Variants in GRAMD1B observed in about 807,000 individuals in gnomAD.
The protein encoded by GRAMD1B is GRAM domain containing 1B, also known as protein Aster-B.
A neutral mutation model predicts 99.7 loss-of-function variants in GRAMD1B; 37 were observed. That is an observed-to-expected ratio of 0.37 (90% CI 0.29 to 0.49). The LOEUF is 0.49. Among genes scored for constraint, GRAMD1B ranks in the 20% least tolerant of loss-of-function variants. The pLI is 0.98. For synonymous variants in GRAMD1B, 427 were observed against 387.6 expected, an observed-to-expected ratio of 1.10 and a Z score of -1.19; for missense variants, 888 against 1,009.2, an observed-to-expected ratio of 0.88 and a Z score of 1.63.
At chr11:123,552,836 G>C (rs1945761588) in intron 2 of GRAMD1B, among the ~76,000 whole-genome samples, 1 of 152,118 alleles carries the variant, frequency 6.6e-6, no homozygotes, top group Non-Finnish European at 1.5e-5. Context: ...CCTACAGCAA[G>C]GCCTGGCAAT....
chr11:123,613,087 T>C (rs909016036), intron 15 of GRAMD1B: 8 of 571,834 alleles, frequency 1.4e-5, no homozygotes, highest in Admixed American at 1.3e-4. Context: ...AAGAGATCAT[T>C]GAGGGATCTA....
intron 8 of GRAMD1B, among the ~76,000 whole-genome samples, chr11:123,603,219 G>A: frequency 6.6e-6 from 1 of 152,204 alleles, no homozygotes; most frequent in East Asian, 1.9e-4. Context: ...CCAGTTCCTG[G>A]CTTTGTTAAA....
chr11:123,528,691 T>G (rs201822579), intron 2 of GRAMD1B, among the ~76,000 whole-genome samples: 1 of 148,724 alleles, frequency 6.7e-6, no homozygotes, highest in South Asian at 2.2e-4. Flanking sequence ...AGACACCGGC[T>G]TTTTTTTTTA....
intron 1 of GRAMD1B, among the ~76,000 whole-genome samples, chr11:123,417,659 G>A (rs1034526311): frequency 1.4e-4 from 21 of 152,142 alleles, no homozygotes; most frequent in African/African-American, 4.8e-4. Flanking sequence ...CAAACAGGCT[G>A]GGCGCAATGG....
At chr11:123,605,112 G>T (rs2136829295) in intron 9 of GRAMD1B, among the ~76,000 whole-genome samples, 1 of 152,228 alleles carries the variant, frequency 6.6e-6, no homozygotes, top group South Asian at 2.1e-4. Flanking sequence ...TTTTACATGG[G>T]GGGCAGGGAG....
intron 3 of GRAMD1B, among the ~76,000 whole-genome samples, chr11:123,583,406 GTGTC>G (rs1044348638): frequency 6.6e-6 from 1 of 152,128 alleles, no homozygotes; most frequent in Non-Finnish European, 1.5e-5. Flanking sequence ...GTGTGTGTGT[GTGTC>G]TGTGTATATG....
chr11:123,571,907 T>C (rs376331782), intron 2 of GRAMD1B, among the ~76,000 whole-genome samples: 21 of 152,308 alleles, frequency 1.4e-4, no homozygotes, highest in African/African-American at 4.8e-4. Flanking sequence ...CTAGCTCAAG[T>C]GCCACATCCT....
At chr11:123,554,765 G>A (rs999115051) in intron 2 of GRAMD1B, among the ~76,000 whole-genome samples, 3 of 152,136 alleles carry the variant, frequency 2.0e-5, no homozygotes, top group Admixed American at 6.5e-5. Context: ...GGTCTCTGAA[G>A]AATGGAGGTA....
intron 11 of GRAMD1B, chr11:123,608,197 T>C (rs1953006939): frequency 5.4e-6 from 2 of 371,764 alleles, no homozygotes; most frequent in African/African-American, 2.0e-5. Context: ...TTCTGTACAC[T>C]GATTCTTCCA....
chr11:123,362,529 A>T (rs867365787), intron 1 of GRAMD1B, among the ~76,000 whole-genome samples: 2 of 152,154 alleles, frequency 1.3e-5, no homozygotes, highest in Non-Finnish European at 2.9e-5. Flanking sequence ...TTATTTTTTT[A>T]AAAAAGCTTC....
chr11:123,436,912 C>A (rs1232568902), intron 1 of GRAMD1B, among the ~76,000 whole-genome samples: 1 of 152,154 alleles, frequency 6.6e-6, no homozygotes, highest in Admixed American at 6.5e-5. Flanking sequence ...GCTCACCCTA[C>A]CCCACAACAG....
chr11:123,505,788 A>G (rs995579971), intron 2 of GRAMD1B, among the ~76,000 whole-genome samples: 2 of 152,098 alleles, frequency 1.3e-5, no homozygotes, highest in Non-Finnish European at 2.9e-5. Context: ...ACACATCCTT[A>G]TGGGAACACA....
In GRAMD1B at chr11:123,462,285, A is replaced by G. The variant is rs539405273; in HGVS notation, c.375-18531A>G. Among the ~76,000 whole-genome samples the G allele has an allele frequency of 5.3e-5, 8 of 152,232 alleles. No individual in the cohort carries two copies. The South Asian group carries it at 6.2e-4, about 12-fold the overall frequency. Reference sequence around the variant, plus strand: ...CCGGGCCAGTCATTTGTTTATTTCTATGGTTTCACCTGTGGCTTTGTGACC... The same window carrying G: ...CCGGGCCAGTCATTTGTTTATTTCTGTGGTTTCACCTGTGGCTTTGTGACC... On this transcript the variant is annotated intron_variant, in intron 1 of 19. Transcript: ENST00000635736.
intron 2 of GRAMD1B, chr11:123,526,108 G>A (rs764663993): frequency 1.6e-5 from 25 of 1,596,976 alleles, no homozygotes; most frequent in South Asian, 2.2e-5. Flanking sequence ...CTGTAACGGG[G>A]ATGCTAAGGA....
intron 2 of GRAMD1B, among the ~76,000 whole-genome samples, chr11:123,481,235 A>G (rs904936127): frequency 6.6e-6 from 1 of 152,170 alleles, no homozygotes; most frequent in Non-Finnish European, 1.5e-5. Flanking sequence ...CGGGCGGATC[A>G]CTTGAGATCT....
intron 2 of GRAMD1B, among the ~76,000 whole-genome samples, chr11:123,491,013 G>A (rs887188457): frequency 4.6e-5 from 7 of 152,250 alleles, no homozygotes; most frequent in Non-Finnish European, 7.4e-5. Flanking sequence ...GACTTTTTTT[G>A]TGTCAACTTT....
chr11:123,507,039 T>G (rs1940506216), intron 2 of GRAMD1B, among the ~76,000 whole-genome samples: 1 of 152,242 alleles, frequency 6.6e-6, no homozygotes, highest in African/African-American at 2.4e-5. Flanking sequence ...TCGGTAGATG[T>G]TTTTGGTCAT....
intron 1 of GRAMD1B, among the ~76,000 whole-genome samples, chr11:123,421,250 T>C (rs1198984937): frequency 6.6e-6 from 1 of 152,230 alleles, no homozygotes; most frequent in Non-Finnish European, 1.5e-5. Context: ...GGATTAGTTC[T>C]AGTGAGGTAT....
intron 1 of GRAMD1B, among the ~76,000 whole-genome samples, chr11:123,462,076 C>T (rs1950449314): frequency 6.7e-6 from 1 of 150,200 alleles, no homozygotes; most frequent in Non-Finnish European, 1.5e-5. Flanking sequence ...ACGCCATTCT[C>T]CTGCCTCAGC....
Sources: allele counts gnomAD v4.1 joint callset (sites outside exome capture counted in the v4.1 genomes callset), GRCh38; gene constraint gnomAD v4.1.1; transcripts MANE v1.5; gene names NCBI Gene and HGNC (gene_info 2026-07-23, HGNC 2026-07-21).